Variants in ZNF576 observed in about 807,000 individuals in gnomAD.
The protein encoded by ZNF576 is zinc finger protein 576.
A neutral mutation model predicts 10.8 loss-of-function variants in ZNF576; 9 were observed. The ratio of observed to expected loss-of-function variants is 0.84; its 90% CI spans 0.50 to 1.46. The LOEUF (loss-of-function observed/expected upper bound fraction) is 1.46, where lower values mean the gene tolerates loss of function less well. Ranked by LOEUF, ZNF576 falls within the 40% of genes most tolerant of loss-of-function variation. The pLI is 0.00. For synonymous variants in ZNF576, 88 were observed against 89.6 expected, an observed-to-expected ratio of 0.98 and a Z score of 0.10; for missense variants, 191 against 233.7, an observed-to-expected ratio of 0.82 and a Z score of 1.19.
In ZNF576 at chr19:43,599,137, G is replaced by A. The variant is rs748618659; in HGVS notation, c.392G>A (p.Arg131His). The A allele has an allele frequency of 7.4e-6, 12 of 1,614,110 alleles. No homozygotes were observed. Among genetic ancestry groups the A allele is most frequent in the African/African-American group, 6.7e-5 (5 of 74,940 alleles). The change falls in exon 3 of 3, where the codon CGC becomes CAC. Residue 131 changes from arginine (R) to histidine (H), a missense_variant. Arg to His is a conservative substitution (Grantham distance 29). Coordinates refer to ENST00000336564, the MANE Select transcript of ZNF576 (RefSeq NM_001145347.2). ...CAGGCTGTTTCTCTGAGGCGGCACC[G>A]CCAGATGCATGAGGTCCGTGCCCCT... ...FGQAVSLRRH[R>H]QMHEVRAPPG...
Position 43,600,473 on chromosome 19 carries a change from G to T in ZNF576, c.*1215G>T, listed in dbSNP as rs564566520. 1 of 152,380 alleles carries T rather than the reference G, an allele frequency of 6.6e-6. No individual in the cohort carries two copies. Among genetic ancestry groups the T allele is most frequent in the African/African-American group, 2.4e-5 (1 of 41,592 alleles). 9.4% of individuals were successfully genotyped at this position (152,380 alleles called of 1,614,324 possible). ...TAGCTAGGCACACAGTAGCTGAAAAGACTGCATTTCCCAGATTCCTTTGCA... is the reference window on the plus strand; with the variant it reads ...TAGCTAGGCACACAGTAGCTGAAAATACTGCATTTCCCAGATTCCTTTGCA... On this transcript the variant is annotated 3_prime_UTR_variant, in exon 3 of 3. Transcript: ENST00000336564.
rs1210615110 is a variant in ZNF576, at chr19:43,599,886, G to A, written c.*628G>A. On this transcript the variant is annotated 3_prime_UTR_variant, in exon 3 of 3. Transcript: ENST00000336564. ...ATTTATGTCTCGTTGAAATAATTTTGTATATCATTCTAGTCCTGAAATATT... is the reference window on the plus strand; with the variant it reads ...ATTTATGTCTCGTTGAAATAATTTTATATATCATTCTAGTCCTGAAATATT... 6.6e-6 allele frequency: 1 copy of A among 152,272 alleles called. No homozygotes were observed. Among genetic ancestry groups the A allele is most frequent in the Non-Finnish European group, 1.5e-5 (1 of 68,108 alleles). 9.4% of individuals were successfully genotyped at this position (152,272 alleles called of 1,614,324 possible). A position where few individuals can be genotyped will look rare whatever the true frequency, so the allele number is the denominator to read the frequency against.
intron 2 of ZNF576, among the ~76,000 whole-genome samples, chr19:43,598,090 AAGG>A (rs1239933121): frequency 6.6e-6 from 1 of 152,208 alleles, no homozygotes. Context: ...AGGAGGAAGG[AAGG>A]AGGCGAGGCT....
chr19:43,597,120 G>T lies in ZNF576; in HGVS notation c.12G>T (p.Pro4=). 2 of 1,614,026 alleles carry T rather than the reference G, an allele frequency of 1.2e-6. No individual in the cohort carries two copies. Among genetic ancestry groups the T allele is most frequent in the Non-Finnish European group, 1.7e-6 (2 of 1,179,988 alleles). The change falls in exon 2 of 3, where the codon CCG becomes CCT. Residue 4 remains proline, a synonymous_variant. Coordinates refer to ENST00000336564, the MANE Select transcript of ZNF576 (RefSeq NM_001145347.2). The part of the protein sequence containing the change: MED[P]NPEENMKQQD... Reference sequence around the variant, plus strand: ...AGGGTCCCAGCACCATGGAGGACCCGAACCCTGAAGAGAACATGAAGCAGC... The same window carrying T: ...AGGGTCCCAGCACCATGGAGGACCCTAACCCTGAAGAGAACATGAAGCAGC...
At chr19:43,596,498 C>T (rs1044134546), upstream of ZNF576, 2 of 152,494 alleles carry the variant, frequency 1.3e-5, no homozygotes, top group Admixed American at 1.3e-4. Flanking sequence ...CACGGGGGCC[C>T]TGAGACTGAG....
In ZNF576 at chr19:43,600,370, G is replaced by C. The variant is rs1232000697; in HGVS notation, c.*1112G>C. On this transcript the variant is annotated 3_prime_UTR_variant, in exon 3 of 3. Coordinates refer to ENST00000336564, the MANE Select transcript of ZNF576 (RefSeq NM_001145347.2). Reference sequence around the variant, plus strand: ...CGATGCCTTGCATATAATACTTATAGACTCTGTTTATGTTGAGGGATGTTT... The same window carrying C: ...CGATGCCTTGCATATAATACTTATACACTCTGTTTATGTTGAGGGATGTTT... 1 of 152,224 alleles carries C rather than the reference G, an allele frequency of 6.6e-6. No homozygotes were observed. Among genetic ancestry groups the C allele is most frequent in the Non-Finnish European group, 1.5e-5 (1 of 68,056 alleles). 9.4% of individuals were successfully genotyped at this position (152,224 alleles called of 1,614,324 possible). A position where few individuals can be genotyped will look rare whatever the true frequency, so the allele number is the denominator to read the frequency against.
Position 43,597,006 on chromosome 19 carries a change from G to C in ZNF576, c.-15-88G>C, listed in dbSNP as rs1973152348. The C allele has an allele frequency of 1.6e-5, 17 of 1,044,630 alleles. No individual in the cohort carries two copies. The South Asian group carries it at 2.3e-4, about 14-fold the overall frequency. The allele number at this position is 1,044,630 out of a possible 1,614,324, so 64.7% of individuals were successfully genotyped here. On this transcript the variant is annotated intron_variant, in intron 1 of 2. Coordinates refer to ENST00000336564, the MANE Select transcript of ZNF576 (RefSeq NM_001145347.2). ...CAAAGGCAGGCAAGGAGAGCCTCTGGCGATGTCAAAGGTCATAGACTTAGG... is the reference window on the plus strand; with the variant it reads ...CAAAGGCAGGCAAGGAGAGCCTCTGCCGATGTCAAAGGTCATAGACTTAGG...
chr19:43,597,822 G>C (rs529737838), intron 2 of ZNF576, among the ~76,000 whole-genome samples: 1 of 152,154 alleles, frequency 6.6e-6, no homozygotes, highest in Non-Finnish European at 1.5e-5. Flanking sequence ...AACAAGAGCT[G>C]TAGTCTCAAT....
At position 43,598,987 on chromosome 19, in the gene ZNF576, C is replaced by T. The variant is rs17849705; in HGVS notation, c.242C>T (p.Pro81Leu). Residue 81 changes from proline to leucine, a missense_variant, in exon 3 of 3, where the codon CCC becomes CTC. Coordinates refer to ENST00000336564, the MANE Select transcript of ZNF576 (RefSeq NM_001145347.2). ...TGCTTCACCTGCGCCCGCTCCTTCC[C>T]CTCCTCCAAAGCCCTAATCACCCAC... ...FICFTCARSF[P>L]SSKALITHQR... is the part of the protein sequence containing the mutation. 6,805 of 1,614,164 alleles carry T rather than the reference C, an allele frequency of 4.2e-3. 254 individuals carry two copies. In the African/African-American group the frequency reaches 0.079, roughly 19 times the overall value.
At position 43,599,343 on chromosome 19, in the gene ZNF576, G is replaced by T. The variant is rs1442607968; in HGVS notation, c.*85G>T. 3.6e-6 allele frequency: 5 copies of T among 1,404,630 alleles called. No homozygotes were observed. The highest frequency in any genetic ancestry group is 4.8e-6 in the Non-Finnish European group (5 of 1,044,028). 87.0% of individuals were successfully genotyped at this position (1,404,630 alleles called of 1,614,324 possible). ...GATATGGGGTGCAGGAACTCTGGGG[G>T]CCCTGAAGGATTTGCTTCCCTCCCC... On this transcript the variant is annotated 3_prime_UTR_variant, in exon 3 of 3. Transcript: ENST00000336564.
In ZNF576 at chr19:43,598,908, C is replaced by A. The variant is rs140975683; in HGVS notation, c.163C>A (p.Arg55=). 2.5e-6 allele frequency: 4 copies of A among 1,611,186 alleles called. No homozygotes were observed. The highest frequency in any genetic ancestry group is 3.4e-6 in the Non-Finnish European group (4 of 1,177,912). The change falls in exon 3 of 3, where the codon CGG becomes AGG. Residue 55 remains arginine, a synonymous_variant. Transcript: ENST00000336564. ...CAAGTTCCAGGAGCGTCACATGAAG[C>A]GGGAGCACCCAGCGGACTTCGTGGC... The part of the protein sequence containing the change: ...DSKFQERHMK[R]EHPADFVAQK...
intron 2 of ZNF576, among the ~76,000 whole-genome samples, chr19:43,598,570 ACT>A (rs1973174498): frequency 6.6e-6 from 1 of 151,778 alleles, no homozygotes; most frequent in Admixed American, 6.6e-5. Flanking sequence ...GGGCAGGCTG[ACT>A]CTCTGGGTTC....
In ZNF576 at chr19:43,599,803, C is replaced by G. The variant is rs1298444901; in HGVS notation, c.*545C>G. ...TTGGAGTCCTTGTGTCTCTTTTCCACCCCCTGCCATCCTCACTTAGAGGGG... is the reference window on the plus strand; with the variant it reads ...TTGGAGTCCTTGTGTCTCTTTTCCAGCCCCTGCCATCCTCACTTAGAGGGG... On this transcript the variant is annotated 3_prime_UTR_variant, in exon 3 of 3. Transcript: ENST00000336564. The G allele has an allele frequency of 1.3e-5, 2 of 153,348 alleles. No homozygotes were observed. The highest frequency in any genetic ancestry group is 4.8e-5 in the African/African-American group (2 of 41,448). 9.5% of individuals were successfully genotyped at this position (153,348 alleles called of 1,614,324 possible).
intron 2 of ZNF576, among the ~76,000 whole-genome samples, chr19:43,598,478 G>A (rs566118240): frequency 2.0e-4 from 31 of 152,144 alleles, no homozygotes; most frequent in Admixed American, 4.6e-4. Flanking sequence ...TGGTGTAATT[G>A]CCTAGGAAGT....
At chr19:43,597,395 A>G (rs1973159087) in intron 2 of ZNF576, 3 of 547,368 alleles carry the variant, frequency 5.5e-6, no homozygotes, top group Admixed American at 3.1e-5. Flanking sequence ...CTCTGGCCAC[A>G]TAAGCAGGAT....
intron 2 of ZNF576, chr19:43,597,425 G>A (rs745588924): frequency 1.2e-4 from 56 of 465,970 alleles, no homozygotes; most frequent in Non-Finnish European, 2.1e-4. Flanking sequence ...TATGCATTCA[G>A]AGGGATAGGG....
rs1438303822 is a variant in ZNF576, at chr19:43,600,383, T to C, written c.*1125T>C. The C allele has an allele frequency of 6.6e-6, 1 of 152,224 alleles. No homozygotes were observed. Among genetic ancestry groups the C allele is most frequent in the Non-Finnish European group, 1.5e-5 (1 of 68,062 alleles). 9.4% of individuals were successfully genotyped at this position (152,224 alleles called of 1,614,324 possible). A position where few individuals can be genotyped will look rare whatever the true frequency, so the allele number is the denominator to read the frequency against. On this transcript the variant is annotated 3_prime_UTR_variant, in exon 3 of 3. Transcript: ENST00000336564. The stretch of plus-strand genomic sequence containing the variant: ...ATAATACTTATAGACTCTGTTTATG[T>C]TGAGGGATGTTTTTAAAGCCCACAG...
intron 2 of ZNF576, 22 bp downstream of exon 2, chr19:43,597,215 G>A (rs1973155900): frequency 6.2e-7 from 1 of 1,608,992 alleles, no homozygotes; most frequent in South Asian, 1.1e-5. Context: ...TGGCTGGCGG[G>A]CTAGAGGAGG....
intron 2 of ZNF576, 33 bp downstream of exon 2, chr19:43,597,226 G>C: frequency 6.3e-7 from 1 of 1,594,824 alleles, no homozygotes; most frequent in Non-Finnish European, 8.6e-7. Flanking sequence ...CTAGAGGAGG[G>C]TGGGGTGCAG....
Sources: gnomAD v4.1 joint callset for allele counts (sites outside exome capture counted in the v4.1 genomes callset) on GRCh38, gnomAD v4.1.1 for gene constraint, MANE v1.5 for transcripts, NCBI Gene and HGNC (gene_info 2026-07-23, HGNC 2026-07-21) for gene names.